Variants in GNG4 observed in about 807,000 individuals in gnomAD.
GNG4 encodes G protein subunit gamma 4.
GNG4 carries 4 observed loss-of-function variants against 5.8 expected under a neutral mutation model. That is an observed-to-expected ratio of 0.69 (90% CI 0.34 to 1.57). GNG4 has a LOEUF of 1.57. GNG4 is among the 40% of genes most tolerant of loss of function. The pLI is 0.06. For missense variants in GNG4, 96 were observed against 95.1 expected (o/e 1.01, Z -0.04); for synonymous variants, 29 against 32.9 (o/e 0.88, Z 0.41).
At position 235,552,371 on chromosome 1, in the gene GNG4, T is replaced by C. The variant is rs1384624270; in HGVS notation, c.100-134A>G. 7 of 750,068 alleles carry C rather than the reference T, an allele frequency of 9.3e-6. No individual in the cohort carries two copies. In the Admixed American group the frequency reaches 1.5e-4, roughly 16 times the overall value. The allele number at this position is 750,068 out of a possible 1,614,324, so 46.5% of individuals were successfully genotyped here. ...GTGTGCACGGCCTACAACATGGTCA[T>C]GCCCAGGCTGGAGGGAGGGTTTGTG... On this transcript the variant is annotated intron_variant, in intron 3 of 3. Coordinates refer to ENST00000391854, the MANE Select transcript of GNG4 (RefSeq NM_001098722.2).
At chr1:235,578,031 C>G (rs1027895592) in intron 3 of GNG4, among the ~76,000 whole-genome samples, 4 of 152,046 alleles carry the variant, frequency 2.6e-5, no homozygotes, top group Non-Finnish European at 5.9e-5. Flanking sequence ...TGGCTGATAC[C>G]AAGATGCACC....
At chr1:235,596,871 C>T (rs1688136299) in intron 1 of GNG4, among the ~76,000 whole-genome samples, 1 of 152,000 alleles carries the variant, frequency 6.6e-6, no homozygotes. Flanking sequence ...TACAGGCGTC[C>T]ACTACCATGC....
intron 1 of GNG4, among the ~76,000 whole-genome samples, chr1:235,605,164 GA>G (rs1367194031): frequency 1.3e-5 from 2 of 151,004 alleles, no homozygotes; most frequent in African/African-American, 4.9e-5. Context: ...AAGAAATGAG[GA>G]AGTGGGTGGA....
intron 2 of GNG4, among the ~76,000 whole-genome samples, chr1:235,593,904 G>T (rs866941427): frequency 6.6e-6 from 1 of 152,212 alleles, no homozygotes; most frequent in African/African-American, 2.4e-5. Context: ...AAAGAACAAA[G>T]CCTGCACAGC....
chr1:235,619,222 C>CAG (rs1471774072), intron 1 of GNG4, among the ~76,000 whole-genome samples: 1 of 145,700 alleles, frequency 6.9e-6, no homozygotes, highest in Non-Finnish European at 1.5e-5. Flanking sequence ...TATACACACA[C>CAG]ACATATATAT....
rs1657601742 is a variant in GNG4 at position 235,649,453 on chromosome 1, C to T, written c.-123+209G>A. Among the ~76,000 whole-genome samples, 2 of 152,074 alleles carry T rather than the reference C, an allele frequency of 1.3e-5. No individual in the cohort carries two copies. The highest frequency in any genetic ancestry group is 4.1e-4 in the South Asian group (2 of 4,830). On this transcript the variant is annotated intron_variant, in intron 1 of 3. Transcript: ENST00000391854. This position sits in a 1 kb window ranked among gnomAD's most constrained non-coding sequence, Gnocchi z 5.7. ...ACCCGCGCGCGGGCTTCCCCGGGGCCCGGCGGGAGGTCCCGGGAGAGGAGG... is the reference window on the plus strand; with the variant it reads ...ACCCGCGCGCGGGCTTCCCCGGGGCTCGGCGGGAGGTCCCGGGAGAGGAGG...
chr1:235,569,060 C>A (rs185781338), intron 3 of GNG4, among the ~76,000 whole-genome samples: 14 of 152,250 alleles, frequency 9.2e-5, no homozygotes, highest in African/African-American at 3.1e-4. Flanking sequence ...CTTCTGACCT[C>A]TTCTGATCCT....
chr1:235,569,248 G>A (rs1486996986), intron 3 of GNG4, among the ~76,000 whole-genome samples: 2 of 152,122 alleles, frequency 1.3e-5, no homozygotes, highest in Non-Finnish European at 1.5e-5. Flanking sequence ...GGGGGCTCAC[G>A]CCTGTAATCC....
In GNG4 at chr1:235,584,976, C is replaced by CA; in HGVS notation, c.-10-1129dup. Among the ~76,000 whole-genome samples, 3 of 152,290 alleles carry CA rather than the reference C, an allele frequency of 2.0e-5. 1 individual carries two copies. The highest frequency in any genetic ancestry group is 2.1e-4 in the South Asian group (1 of 4,828). On this transcript the variant is annotated intron_variant, in intron 2 of 3. Transcript: ENST00000391854. ...CCATACTTTCAAAGTTAAAATGATG[C>CA]AAATTGATATTCACACAGGTGTCAC...
At chr1:235,577,578 C>T (rs559673624) in intron 3 of GNG4, among the ~76,000 whole-genome samples, 2 of 152,230 alleles carry the variant, frequency 1.3e-5, no homozygotes, top group African/African-American at 4.8e-5. Flanking sequence ...GTAGCTGCGG[C>T]TACAGGCACG....
At chr1:235,576,236 T>TC (rs1386791193) in intron 3 of GNG4, among the ~76,000 whole-genome samples, 1 of 150,784 alleles carries the variant, frequency 6.6e-6, no homozygotes, top group African/African-American at 2.4e-5. Flanking sequence ...AATTTTTTTT[T>TC]TGTATTTTAG....
intron 2 of GNG4, among the ~76,000 whole-genome samples, chr1:235,587,560 A>C (rs1406434995): frequency 0.011 from 4 of 368 alleles, no homozygotes; most frequent in Admixed American, 0.056. Context: ...GGGGTTGTGA[A>C]TGTGGGAGGG....
At chr1:235,622,869 A>G (rs1327873394) in intron 1 of GNG4, among the ~76,000 whole-genome samples, 1 of 140,770 alleles carries the variant, frequency 7.1e-6, no homozygotes. Context: ...GTAAGACTCC[A>G]TCTCAAAAAA....
intron 1 of GNG4, among the ~76,000 whole-genome samples, chr1:235,610,771 T>C (rs1437439531): frequency 6.6e-6 from 1 of 151,986 alleles, no homozygotes; most frequent in Non-Finnish European, 1.5e-5. Flanking sequence ...TGGCCATGTG[T>C]CTCTGTCAAG....
intron 1 of GNG4, among the ~76,000 whole-genome samples, chr1:235,632,292 G>C (rs1419351606): frequency 6.6e-6 from 1 of 151,970 alleles, no homozygotes; most frequent in African/African-American, 2.4e-5. Context: ...TCACTAGATT[G>C]CTTAGGCTGG....
intron 3 of GNG4, among the ~76,000 whole-genome samples, chr1:235,553,980 G>T (rs906253768): frequency 6.6e-6 from 1 of 152,234 alleles, no homozygotes; most frequent in Non-Finnish European, 1.5e-5. Flanking sequence ...TTGAATAGGA[G>T]TGTTTGAAGT....
rs534821837 is a variant in GNG4, at chr1:235,594,555, G to A, written c.-11+845C>T. Among the ~76,000 whole-genome samples the A allele has an allele frequency of 2.0e-5, 3 of 152,324 alleles. No individual in the cohort carries two copies. The East Asian group carries it at 5.8e-4, about 29-fold the overall frequency. On this transcript the variant is annotated intron_variant, in intron 2 of 3. Coordinates refer to ENST00000391854, the MANE Select transcript of GNG4 (RefSeq NM_001098722.2). Reference sequence around the variant, plus strand: ...TGGGGAGGCTCAGGCATGGTGGGCTGCAGGTCCCGAGCCCTGCCCCGCAGG... The same window carrying A: ...TGGGGAGGCTCAGGCATGGTGGGCTACAGGTCCCGAGCCCTGCCCCGCAGG...
chr1:235,650,264 G>GAGGTCT (rs1429296959), upstream of GNG4, among the ~76,000 whole-genome samples: 13 of 150,614 alleles, frequency 8.6e-5, no homozygotes, highest in Middle Eastern at 3.5e-3. Flanking sequence ...AATCACTGGG[G>GAGGTCT]GGGGGTCTGG....
chr1:235,593,819 TCG>T (rs1476132082), intron 2 of GNG4, among the ~76,000 whole-genome samples: 4 of 152,208 alleles, frequency 2.6e-5, no homozygotes, highest in African/African-American at 7.2e-5. Flanking sequence ...CCGCAGACCT[TCG>T]TGGTGAGTGT....
Sources: gnomAD v4.1 joint callset for allele counts (sites outside exome capture counted in the v4.1 genomes callset) on GRCh38, gnomAD v4.1.1 for gene constraint, Gnocchi (gnomAD v3.1) non-coding constraint, MANE v1.5 for transcripts, NCBI Gene and HGNC (gene_info 2026-07-23, HGNC 2026-07-21) for gene names.